NRG3: variants seen among roughly 807,000 people sequenced by gnomAD.
NRG3 encodes neuregulin 3, also known as pro-neuregulin-3, membrane-bound isoform.
Under a neutral mutation model 66.9 loss-of-function variants are expected in NRG3, and 31 were observed. That is an observed-to-expected ratio of 0.46 (90% CI 0.35 to 0.63). The LOEUF (loss-of-function observed/expected upper bound fraction) is 0.63, where lower values mean the gene tolerates loss of function less well. NRG3 is among the 20% of genes least tolerant of loss of function. NRG3 has a pLI of 0.00. For synonymous variants in NRG3, 393 were observed against 359.4 expected, an observed-to-expected ratio of 1.09 and a Z score of -1.06; for missense variants, 910 against 878.9, an observed-to-expected ratio of 1.04 and a Z score of -0.45.
intron 3 of NRG3, among the ~76,000 whole-genome samples, chr10:82,793,989 C>A (rs186668632): frequency 6.6e-6 from 1 of 152,236 alleles, no homozygotes; most frequent in East Asian, 1.9e-4. Flanking sequence ...CCTTTAGCTA[C>A]CACTGTCTGC....
intron 1 of NRG3, among the ~76,000 whole-genome samples, chr10:81,967,578 G>A (rs374632724): frequency 6.6e-5 from 10 of 151,746 alleles, no homozygotes; most frequent in East Asian, 1.9e-4. Flanking sequence ...TTATTTATGC[G>A]TGCTTATATA....
intron 1 of NRG3, chr10:82,166,921 T>G: frequency 2.0e-6 from 1 of 495,232 alleles, no homozygotes; most frequent in Non-Finnish European, 3.6e-6. Flanking sequence ...TTTAAAGATG[T>G]GCTTGACTGT....
At chr10:82,223,997 G>A (rs1274224425) in intron 1 of NRG3, among the ~76,000 whole-genome samples, 2 of 152,036 alleles carry the variant, frequency 1.3e-5, no homozygotes, top group Admixed American at 6.6e-5. Flanking sequence ...CCGGATTCTG[G>A]GCCAAAGTAT....
intron 1 of NRG3, among the ~76,000 whole-genome samples, chr10:82,135,502 G>C (rs1250813476): frequency 6.6e-6 from 1 of 151,904 alleles, no homozygotes; most frequent in African/African-American, 2.4e-5. Flanking sequence ...CTATTTTCTA[G>C]ATTTGGTAGA....
intron 2 of NRG3, among the ~76,000 whole-genome samples, chr10:82,607,690 G>A (rs952324505): frequency 1.3e-5 from 2 of 151,358 alleles, no homozygotes; most frequent in African/African-American, 4.9e-5. Context: ...TTTTAACTGA[G>A]CTCATAATAG....
In NRG3 at chr10:82,781,326, A is replaced by T. The variant is rs1294193809; in HGVS notation, c.1027+42676A>T. Among the ~76,000 whole-genome samples the T allele has an allele frequency of 1.4e-4, 22 of 152,214 alleles. 1 individual carries two copies. The highest frequency in any genetic ancestry group is 1.4e-3 in the Admixed American group (22 of 15,282). The stretch of plus-strand genomic sequence containing the variant: ...TAGCTCAAGTTCTTATTACTCTCTA[A>T]TTTAAATTATTCAGTTAATTCCCAT... On this transcript the variant is annotated intron_variant, in intron 3 of 8. Transcript: ENST00000372141.
chr10:81,986,196 A>G (rs1320408211), intron 1 of NRG3, among the ~76,000 whole-genome samples: 1 of 152,194 alleles, frequency 6.6e-6, no homozygotes, highest in African/African-American at 2.4e-5. Context: ...TTTTCAGTCA[A>G]GTTTCAGGCT....
At chr10:82,680,421 A>G (rs1188945704) in intron 2 of NRG3, among the ~76,000 whole-genome samples, 1 of 152,250 alleles carries the variant, frequency 6.6e-6, no homozygotes, top group East Asian at 1.9e-4. Context: ...ATGTTTGATG[A>G]AGTAATGAAT....
intron 3 of NRG3, among the ~76,000 whole-genome samples, chr10:82,783,319 C>T (rs954786175): frequency 6.6e-6 from 1 of 150,766 alleles, no homozygotes; most frequent in Non-Finnish European, 1.5e-5. Context: ...CCCTCTCTCA[C>T]CACTCCTATT....
intron 1 of NRG3, among the ~76,000 whole-genome samples, chr10:82,158,174 G>C (rs1753057427): frequency 6.6e-6 from 1 of 151,698 alleles, no homozygotes; most frequent in Non-Finnish European, 1.5e-5. Flanking sequence ...GTGAAAAATG[G>C]GGCCAAGTTG....
At chr10:82,730,731 G>T (rs191486759) in intron 2 of NRG3, among the ~76,000 whole-genome samples, 5 of 152,220 alleles carry the variant, frequency 3.3e-5, no homozygotes, top group African/African-American at 4.8e-5. Flanking sequence ...TTCAGCAAAA[G>T]AAACCTTATT....
chr10:82,326,990 T>TG (rs2081905740), intron 1 of NRG3, among the ~76,000 whole-genome samples: 1 of 152,220 alleles, frequency 6.6e-6, no homozygotes, highest in South Asian at 2.1e-4. Flanking sequence ...TAGTAAAGGC[T>TG]AGTATCATTA....
At chr10:82,501,419 C>T (rs1230223731) in intron 2 of NRG3, among the ~76,000 whole-genome samples, 1 of 152,146 alleles carries the variant, frequency 6.6e-6, no homozygotes, top group Non-Finnish European at 1.5e-5. Flanking sequence ...CTCCCTGTTA[C>T]ACTCAGGTCA....
chr10:82,216,147 T>C (rs2484887), intron 1 of NRG3, among the ~76,000 whole-genome samples: 16,797 of 151,660 alleles, frequency 0.11, 1,050 homozygotes, highest in Middle Eastern at 0.18. Flanking sequence ...TACTGGCTAA[T>C]TTTTGGTATT....
chr10:82,033,506 T>C (rs967344068), intron 1 of NRG3, among the ~76,000 whole-genome samples: 1 of 152,158 alleles, frequency 6.6e-6, no homozygotes, highest in African/African-American at 2.4e-5. Context: ...TATAATTCCA[T>C]ATTTATGATT....
At chr10:82,463,837 G>A (rs936816740) in intron 2 of NRG3, among the ~76,000 whole-genome samples, 2 of 152,194 alleles carry the variant, frequency 1.3e-5, no homozygotes, top group South Asian at 2.1e-4. Flanking sequence ...TCGAAAGCAG[G>A]TGCTGTCATA....
intron 2 of NRG3, among the ~76,000 whole-genome samples, chr10:82,613,899 CATTGTTT>C (rs1248664011): frequency 7.2e-6 from 1 of 138,078 alleles, no homozygotes; most frequent in Non-Finnish European, 1.5e-5. Context: ...CATGTGTTCT[CATTGTTT>C]ATTTATTTAT....
chr10:82,017,998 A>G (rs137967116), intron 1 of NRG3, among the ~76,000 whole-genome samples: 2,548 of 152,042 alleles, frequency 0.017, 79 homozygotes, highest in African/African-American at 0.058. Flanking sequence ...GGTGTTTTAG[A>G]CGTGAATTTC....
intron 2 of NRG3, among the ~76,000 whole-genome samples, chr10:82,725,127 A>G (rs894010951): frequency 3.3e-5 from 5 of 152,208 alleles, no homozygotes; most frequent in African/African-American, 1.2e-4. Context: ...AATAGCATGT[A>G]AGAGTCTCAG....
Sources: gnomAD v4.1 joint callset for allele counts (sites outside exome capture counted in the v4.1 genomes callset) on GRCh38, gnomAD v4.1.1 for gene constraint, MANE v1.5 for transcripts, NCBI Gene and HGNC (gene_info 2026-07-23, HGNC 2026-07-21) for gene names.